The following KDM1A variants were observed in gnomAD, a reference collection of about 807,000 sequenced individuals.
KDM1A encodes lysine-specific histone demethylase 1A.
KDM1A carries 49 observed loss-of-function variants against 109.4 expected under a neutral mutation model. The ratio of observed to expected loss-of-function variants is 0.45; its 90% CI spans 0.36 to 0.57. The LOEUF (loss-of-function observed/expected upper bound fraction) is 0.57, where lower values mean the gene tolerates loss of function less well. Among genes scored for constraint, KDM1A ranks in the 20% least tolerant of loss-of-function variants. KDM1A has a pLI of 0.00. For synonymous variants in KDM1A, 380 were observed against 415.4 expected, an observed-to-expected ratio of 0.91 and a Z score of 1.04; for missense variants, 668 against 1,116.6, an observed-to-expected ratio of 0.60 and a Z score of 5.73.
intron 14 of KDM1A, 31 bp from the exon 15 acceptor site, chr1:23,073,261 A>C (rs754924888): frequency 9.0e-5 from 104 of 1,155,434 alleles, no homozygotes; most frequent in Non-Finnish European, 1.2e-4. Context: ...GATATCTTTT[A>C]ATAATCCTGT....
At chr1:23,053,447 A>G (rs1642731378) in intron 4 of KDM1A, among the ~76,000 whole-genome samples, 2 of 152,128 alleles carry the variant, frequency 1.3e-5, no homozygotes, top group Admixed American at 1.3e-4. Flanking sequence ...GTACAGTGGT[A>G]CGATCATGGC....
At chr1:23,037,481 T>A (rs1012699445) in intron 2 of KDM1A, among the ~76,000 whole-genome samples, 2 of 152,182 alleles carry the variant, frequency 1.3e-5, no homozygotes, top group Admixed American at 6.5e-5. Context: ...TTTTGAAGTA[T>A]AAATACATTG....
At chr1:23,061,437 A>C (rs556875773) in intron 9 of KDM1A, among the ~76,000 whole-genome samples, 9 of 152,242 alleles carry the variant, frequency 5.9e-5, no homozygotes, top group Middle Eastern at 6.8e-3. Flanking sequence ...TTCAACTCTG[A>C]TCTGTATAGG....
chr1:23,075,746 G>A (rs905025417), intron 15 of KDM1A, among the ~76,000 whole-genome samples: 3 of 151,936 alleles, frequency 2.0e-5, no homozygotes, highest in East Asian at 3.9e-4. Context: ...TCAGGAGTTC[G>A]AGACCAGCCT....
At chr1:23,020,024 C>T in intron 1 of KDM1A, 77 bp downstream of exon 1, 1 of 1,376,706 alleles carries the variant, frequency 7.3e-7, no homozygotes, top group African/African-American at 1.5e-5. Context: ...TCCCCCGCCG[C>T]CGCCGGGTCT....
At chr1:23,063,231 G>GGGGT (rs1643064498) in intron 9 of KDM1A, among the ~76,000 whole-genome samples, 3 of 29,540 alleles carry the variant, frequency 1.0e-4, no homozygotes, top group Non-Finnish European at 2.1e-4. Context: ...GGTGTGTGTG[G>GGGGT]GTGTGTGTGT....
chr1:23,029,562 C>T (rs1641913818), intron 1 of KDM1A, among the ~76,000 whole-genome samples: 1 of 152,218 alleles, frequency 6.6e-6, no homozygotes, highest in South Asian at 2.1e-4. Context: ...ACCTCCCTCT[C>T]CTTTATAGCC....
At chr1:23,068,480 T>C (rs986113814) in intron 10 of KDM1A, 59 bp from the exon 11 acceptor site, 3 of 1,413,910 alleles carry the variant, frequency 2.1e-6, no homozygotes, top group Non-Finnish European at 1.9e-6. Context: ...ATTTGTGTTT[T>C]CATGGATGGT....
At position 23,054,364 on chromosome 1, in the gene KDM1A, C is replaced by T. The variant is rs538655139; in HGVS notation, c.790+525C>T. On this transcript the variant is annotated intron_variant, in intron 5 of 20. Transcript: ENST00000400181. ...CTTGAGCCCAGGAGTTTGAGTTCAG[C>T]CTGGGCAACATAGTGAGACCCCTAT... 1.8e-4 allele frequency among the ~76,000 whole-genome samples: 27 copies of T among 152,140 alleles called. No individual in the cohort carries two copies. In the South Asian group the frequency reaches 5.6e-3, roughly 32 times the overall value.
At chr1:23,078,221 G>A (rs779863601) in intron 16 of KDM1A, among the ~76,000 whole-genome samples, 1 of 152,182 alleles carries the variant, frequency 6.6e-6, no homozygotes, top group Non-Finnish European at 1.5e-5. Flanking sequence ...GAGGCAGCTT[G>A]TAGTTGACAG....
At chr1:23,071,577 C>A (rs1257473368) in intron 13 of KDM1A, among the ~76,000 whole-genome samples, 1 of 152,200 alleles carries the variant, frequency 6.6e-6, no homozygotes, top group East Asian at 1.9e-4. Context: ...ATAATCTCAT[C>A]ATTTTATCTT....
chr1:23,026,395 T>TTTG (rs1553124906), intron 1 of KDM1A, among the ~76,000 whole-genome samples: 53,646 of 108,782 alleles, frequency 0.49, 11,879 homozygotes, highest in East Asian at 0.6. Context: ...TGTCTGTTTG[T>TTTG]TTTTTTTTTT....
Position 23,077,363 on chromosome 1 carries a change from A to T in KDM1A, c.1867+3A>T. 6.2e-7 allele frequency: 1 copy of T among 1,610,192 alleles called. No homozygotes were observed. The highest frequency in any genetic ancestry group is 8.5e-7 in the Non-Finnish European group (1 of 1,177,522). ...ACAGGTTCGCTACACGGCTTCAGGT[A>T]TGTCACTGCTTTACAAAAGGTAAGA... On this transcript the variant is annotated splice_donor_region_variant and intron_variant, in intron 16 of 20. Transcript: ENST00000400181.
intron 11 of KDM1A, 43 bp from the exon 12 acceptor site, chr1:23,069,018 A>G: frequency 7.2e-7 from 1 of 1,380,942 alleles, no homozygotes; most frequent in Non-Finnish European, 1.0e-6. Flanking sequence ...CTTATTCTGC[A>G]AAGTTGGCTT....
intron 2 of KDM1A, among the ~76,000 whole-genome samples, chr1:23,035,262 G>A (rs1272766287): frequency 3.0e-4 from 45 of 152,148 alleles, no homozygotes; most frequent in Admixed American, 2.8e-3. Flanking sequence ...GAGTGCAATG[G>A]CATGATCTCG....
chr1:23,052,388 G>A (rs1642699617), intron 4 of KDM1A, among the ~76,000 whole-genome samples: 1 of 152,186 alleles, frequency 6.6e-6, no homozygotes. Flanking sequence ...TGTACTTGAG[G>A]AAATCCATTT....
intron 15 of KDM1A, among the ~76,000 whole-genome samples, chr1:23,075,465 G>GGAGGCT (rs1307187222): frequency 1.3e-5 from 2 of 151,932 alleles, no homozygotes; most frequent in African/African-American, 4.8e-5. Context: ...CAGCTACTTG[G>GGAGGCT]GAGGCTGAGG....
At position 23,019,815 on chromosome 1, in the gene KDM1A, C is replaced by T; in HGVS notation, c.219C>T (p.Gly73=). The part of the protein sequence containing the change: ...KEPPRASPPG[G]LAEPPGSAGP... Reference sequence around the variant, plus strand: ...CTCCGCGGGCCTCGCCCCCCGGGGGCCTGGCGGAACCGCCGGGGTCCGCAG... The same window carrying T: ...CTCCGCGGGCCTCGCCCCCCGGGGGTCTGGCGGAACCGCCGGGGTCCGCAG... The change falls in exon 1 of 21, where the codon GGC becomes GGT. Residue 73 remains glycine, a synonymous_variant. Coordinates refer to ENST00000400181, the MANE Select transcript of KDM1A (RefSeq NM_001009999.3). 7.1e-7 allele frequency: 1 copy of T among 1,417,496 alleles called. No homozygotes were observed. The highest frequency in any genetic ancestry group is 9.2e-7 in the Non-Finnish European group (1 of 1,086,882). 87.8% of individuals were successfully genotyped at this position (1,417,496 alleles called of 1,614,324 possible).
At chr1:23,073,179 T>A (rs1643367588) in intron 14 of KDM1A, 113 bp from the exon 15 acceptor site, 1 of 611,050 alleles carries the variant, frequency 1.6e-6, no homozygotes. Flanking sequence ...AATTTCTTCA[T>A]ATAAGGCACA....
Sources: allele counts gnomAD v4.1 joint callset (sites outside exome capture counted in the v4.1 genomes callset), GRCh38; gene constraint gnomAD v4.1.1; transcripts MANE v1.5; gene names NCBI Gene and HGNC (gene_info 2026-07-23, HGNC 2026-07-21).